CMSS1: variants seen among roughly 807,000 people sequenced by gnomAD.
CMSS1 encodes cms1 ribosomal small subunit homolog, also known as protein CMSS1.
CMSS1 carries 33 observed loss-of-function variants against 43.5 expected under a neutral mutation model. The ratio of observed to expected loss-of-function variants is 0.76; its 90% CI spans 0.57 to 1.01. The LOEUF (loss-of-function observed/expected upper bound fraction) is 1.01, where lower values mean the gene tolerates loss of function less well. Among genes scored for constraint, CMSS1 ranks in the 50% least tolerant of loss-of-function variants. The pLI is 0.00. For missense variants in CMSS1, 313 were observed against 326.4 expected (o/e 0.96, Z 0.32); for synonymous variants, 115 against 117.2 (o/e 0.98, Z 0.12).
rs149403951 is a variant in CMSS1 at position 100,118,711 on chromosome 3, C to G, written c.65-28262C>G. The stretch of plus-strand genomic sequence containing the variant: ...ATCAGTTAACTTTCAAAAGTTGACC[C>G]CTAGGACAGAAACTCTTCCCCTTTC... On this transcript the variant is annotated intron_variant, in intron 1 of 9. Transcript: ENST00000421999. 7.3e-3 allele frequency among the ~76,000 whole-genome samples: 1,104 copies of G among 152,230 alleles called. 18 individuals are homozygous for G. The highest frequency in any genetic ancestry group is 0.024 in the African/African-American group (1,017 of 41,546).
At chr3:100,019,585 G>A (rs2064769095) in intron 1 of CMSS1, among the ~76,000 whole-genome samples, 1 of 152,040 alleles carries the variant, frequency 6.6e-6, no homozygotes, top group African/African-American at 2.4e-5. Flanking sequence ...TGTATTTAAA[G>A]ACAGTAGTAG....
intron 1 of CMSS1, among the ~76,000 whole-genome samples, chr3:99,823,502 G>A (rs563913262): frequency 3.5e-4 from 53 of 152,122 alleles, no homozygotes; most frequent in Middle Eastern, 3.4e-3. Flanking sequence ...CATCCATCAA[G>A]TCCTGTTGTC....
rs1435551928 is a variant in CMSS1 at position 99,887,206 on chromosome 3, G to A, written c.64+69163G>A. Among the ~76,000 whole-genome samples the A allele has an allele frequency of 4.6e-5, 7 of 151,966 alleles. No individual in the cohort carries two copies. In the East Asian group the frequency reaches 1.2e-3, roughly 25 times the overall value. On this transcript the variant is annotated intron_variant, in intron 1 of 9. Coordinates refer to ENST00000421999, the MANE Select transcript of CMSS1 (RefSeq NM_032359.4). ...CACTTGAACCCAGGAGGAGGAGGTCGCGGTTAGCCGAGATTGAGCCATTGC... is the reference window on the plus strand; with the variant it reads ...CACTTGAACCCAGGAGGAGGAGGTCACGGTTAGCCGAGATTGAGCCATTGC...
At chr3:100,125,606 C>T (rs561206660) in intron 1 of CMSS1, among the ~76,000 whole-genome samples, 1 of 152,246 alleles carries the variant, frequency 6.6e-6, no homozygotes, top group Non-Finnish European at 1.5e-5. Flanking sequence ...AACACCTTAG[C>T]TGTGTGCTGG....
At chr3:100,147,691 A>G (rs535441148) in intron 2 of CMSS1, among the ~76,000 whole-genome samples, 99 of 152,364 alleles carry the variant, frequency 6.5e-4, no homozygotes, top group African/African-American at 2.0e-3. Flanking sequence ...GGAGATAAAT[A>G]GTATAAAGAT....
chr3:99,918,415 T>C (rs1354888568), intron 1 of CMSS1, among the ~76,000 whole-genome samples: 1 of 152,210 alleles, frequency 6.6e-6, no homozygotes, highest in African/African-American at 2.4e-5. Context: ...CTTGTTAATG[T>C]TTTCTTTTTA....
rs963448070 is a variant in CMSS1 at position 100,090,613 on chromosome 3, C to T, written c.65-56360C>T. Reference sequence around the variant, plus strand: ...AACACTAGCCTCTGCCTTTCCAAAGCCTTCCTGGTGTTGCAGTCGTGTTCT... The same window carrying T: ...AACACTAGCCTCTGCCTTTCCAAAGTCTTCCTGGTGTTGCAGTCGTGTTCT... On this transcript the variant is annotated intron_variant, in intron 1 of 9. Transcript: ENST00000421999. 2.0e-5 allele frequency among the ~76,000 whole-genome samples: 3 copies of T among 152,188 alleles called. 1 individual carries two copies. The highest frequency in any genetic ancestry group is 6.5e-5 in the Admixed American group (1 of 15,284).
At chr3:99,906,607 T>C (rs1336952334) in intron 1 of CMSS1, among the ~76,000 whole-genome samples, 1 of 152,264 alleles carries the variant, frequency 6.6e-6, no homozygotes, top group Non-Finnish European at 1.5e-5. Context: ...TTCAAGGTCA[T>C]GAAGATAAAA....
At chr3:99,965,841 C>T (rs1559706467) in intron 1 of CMSS1, among the ~76,000 whole-genome samples, 2 of 152,138 alleles carry the variant, frequency 1.3e-5, no homozygotes, top group African/African-American at 4.8e-5. Flanking sequence ...TGCAGTTTTC[C>T]TGCCCAGCCC....
At chr3:100,139,127 T>C (rs967868331) in intron 1 of CMSS1, among the ~76,000 whole-genome samples, 17 of 151,756 alleles carry the variant, frequency 1.1e-4, no homozygotes, top group African/African-American at 3.1e-4. Flanking sequence ...CACCCATAAG[T>C]GGGAGTTGAA....
At chr3:99,898,639 G>T in intron 1 of CMSS1, 1 of 188,904 alleles carries the variant, frequency 5.3e-6, no homozygotes, top group South Asian at 7.8e-5. Context: ...GATGGCGGGT[G>T]CCTGTAATCC....
At chr3:100,002,631 G>A (rs917151018) in intron 1 of CMSS1, among the ~76,000 whole-genome samples, 2 of 152,128 alleles carry the variant, frequency 1.3e-5, no homozygotes, top group African/African-American at 4.8e-5. Context: ...CCATCATATG[G>A]GTGTGATTGA....
intron 1 of CMSS1, among the ~76,000 whole-genome samples, chr3:100,037,936 T>C (rs2065134875): frequency 6.8e-6 from 1 of 146,246 alleles, no homozygotes; most frequent in Non-Finnish European, 1.5e-5. Context: ...TTTAATCGCT[T>C]TTCTTTTTTT....
chr3:99,912,924 C>T (rs1404261871), intron 1 of CMSS1, among the ~76,000 whole-genome samples: 3 of 152,054 alleles, frequency 2.0e-5, no homozygotes, highest in African/African-American at 2.4e-5. Flanking sequence ...TTGTGTCCCC[C>T]CAAACTCTTA....
intron 1 of CMSS1, chr3:99,964,401 A>G (rs1377535060): frequency 6.6e-6 from 1 of 150,638 alleles, no homozygotes; most frequent in Non-Finnish European, 1.5e-5. Context: ...GGGCTAGGTG[A>G]TGTTTAGGAT....
chr3:99,871,344 G>A (rs1196040361), intron 1 of CMSS1, among the ~76,000 whole-genome samples: 1 of 152,122 alleles, frequency 6.6e-6, no homozygotes, highest in Non-Finnish European at 1.5e-5. Context: ...CTTCTAGGTT[G>A]TAATTTGTTC....
chr3:100,152,139 G>A (rs2066915994), intron 2 of CMSS1, among the ~76,000 whole-genome samples: 1 of 151,848 alleles, frequency 6.6e-6, no homozygotes, highest in Non-Finnish European at 1.5e-5. Context: ...AGGCCTAAGA[G>A]TAATTCTCCA....
intron 1 of CMSS1, chr3:99,848,728 C>T (rs202089525): frequency 4.3e-6 from 7 of 1,614,048 alleles, no homozygotes; most frequent in Non-Finnish European, 5.9e-6. Flanking sequence ...GGTCTGTGCT[C>T]TGGCAAAGGT....
chr3:99,886,202 A>C (rs1049821546), intron 1 of CMSS1, among the ~76,000 whole-genome samples: 1 of 151,974 alleles, frequency 6.6e-6, no homozygotes, highest in African/African-American at 2.4e-5. Context: ...TATTTGTTGA[A>C]TACCTTCTGT....
Sources: gnomAD v4.1 joint callset for allele counts (sites outside exome capture counted in the v4.1 genomes callset) on GRCh38, gnomAD v4.1.1 for gene constraint, MANE v1.5 for transcripts, NCBI Gene and HGNC (gene_info 2026-07-23, HGNC 2026-07-21) for gene names.